The following R3HCC1L variants were observed in gnomAD, a reference collection of about 807,000 sequenced individuals.
R3HCC1L encodes the protein coiled-coil domain-containing protein R3HCC1L.
In R3HCC1L, 51 loss-of-function variants were observed where a neutral mutation model predicts 59.9. The ratio of observed to expected loss-of-function variants is 0.85; its 90% CI spans 0.68 to 1.07. The LOEUF is 1.07. R3HCC1L is among the 50% of genes least tolerant of loss of function. R3HCC1L has a pLI of 0.00. For synonymous variants in R3HCC1L, 322 were observed against 315.2 expected, an observed-to-expected ratio of 1.02 and a Z score of -0.23; for missense variants, 965 against 933.0, an observed-to-expected ratio of 1.03 and a Z score of -0.45.
At chr10:98,135,860 C>G (rs1180743661) in intron 1 of R3HCC1L, among the ~76,000 whole-genome samples, 2 of 152,106 alleles carry the variant, frequency 1.3e-5, no homozygotes, top group East Asian at 3.8e-4. Context: ...AATACCTGTC[C>G]CCAGCAGGTC....
At chr10:98,237,029 T>G (rs1025923583) in intron 9 of R3HCC1L, among the ~76,000 whole-genome samples, 2 of 152,202 alleles carry the variant, frequency 1.3e-5, no homozygotes, top group Non-Finnish European at 2.9e-5. Context: ...ACAAGGCCAT[T>G]AATACGTCCT....
At chr10:98,169,882 A>G (rs1228745543) in intron 4 of R3HCC1L, among the ~76,000 whole-genome samples, 2 of 144,956 alleles carry the variant, frequency 1.4e-5, no homozygotes. Flanking sequence ...ACCTAACACA[A>G]CCTTTTTTTT....
Position 98,209,707 on chromosome 10 carries a change from A to C in R3HCC1L, c.1593A>C (p.Glu531Asp). ...GAACTGCCGAAGAGTTCAAAACAGA[A>C]GAGCAAGATGACTCAGGGAGTATAG... Reference protein sequence around the residue: ...ELRTAEEFKTEEQDDSGSIEF... With the variant: ...ELRTAEEFKTDEQDDSGSIEF... The change falls in exon 5 of 10, where the codon GAA becomes GAC. Residue 531 changes from glutamate (E) to aspartate (D), a missense_variant. Coordinates refer to ENST00000298999, the MANE Select transcript of R3HCC1L (RefSeq NM_001351015.2). 5 of 1,614,058 alleles carry C rather than the reference A, an allele frequency of 3.1e-6. No homozygotes were observed. The highest frequency in any genetic ancestry group is 3.4e-6 in the Non-Finnish European group (4 of 1,179,922).
chr10:98,209,102 A>T lies in R3HCC1L; in HGVS notation c.988A>T (p.Ile330Phe), dbSNP rs368144580. 6.2e-7 allele frequency: 1 copy of T among 1,613,978 alleles called. No individual in the cohort carries two copies. Among genetic ancestry groups the T allele is most frequent in the Non-Finnish European group, 8.5e-7 (1 of 1,180,010 alleles). ...STNDTVSPVM[I>F]RECEKNDSTA... ...AAATGACACTGTTAGTCCAGTAATGATTAGAGAATGTGAGAAGAATGACAG... is the reference window on the plus strand; with the variant it reads ...AAATGACACTGTTAGTCCAGTAATGTTTAGAGAATGTGAGAAGAATGACAG... Residue 330 changes from isoleucine (I) to phenylalanine (F), a missense_variant, in exon 5 of 10, where the codon ATT (isoleucine) becomes TTT (phenylalanine). Ile to Phe is a conservative substitution (Grantham distance 21). Coordinates refer to ENST00000298999, the MANE Select transcript of R3HCC1L (RefSeq NM_001351015.2).
At position 98,209,658 on chromosome 10, in the gene R3HCC1L, C is replaced by A. The variant is rs199945129; in HGVS notation, c.1544C>A (p.Thr515Lys). The part of the protein sequence containing the change: ...VGIDLGSTGD[T>K]TEALHELRTA... The stretch of plus-strand genomic sequence containing the variant: ...ATTGACCTGGGTAGTACTGGTGATA[C>A]AACAGAAGCATTGCACGAACTAAGA... The change falls in exon 5 of 10, where the codon ACA (threonine) becomes AAA (lysine). Residue 515 changes from threonine (T) to lysine (K), a missense_variant. Physicochemically the swap from Thr to Lys is moderately conservative, Grantham distance 78. Transcript: ENST00000298999. 3 of 1,613,960 alleles carry A rather than the reference C, an allele frequency of 1.9e-6. No individual in the cohort carries two copies. The highest frequency in any genetic ancestry group is 1.3e-5 in the African/African-American group (1 of 75,014).
chr10:98,140,169 G>A (rs1845004046), intron 1 of R3HCC1L, among the ~76,000 whole-genome samples: 1 of 151,978 alleles, frequency 6.6e-6, no homozygotes, highest in Admixed American at 6.6e-5. Context: ...TCTTTGCCAT[G>A]GAATGCCAGA....
intron 5 of R3HCC1L, among the ~76,000 whole-genome samples, chr10:98,225,182 C>T (rs925545500): frequency 1.3e-5 from 2 of 152,148 alleles, no homozygotes; most frequent in Non-Finnish European, 2.9e-5. Context: ...CTGTATTGGA[C>T]AGTTCAGGCC....
intron 5 of R3HCC1L, among the ~76,000 whole-genome samples, chr10:98,218,929 C>T (rs1854544038): frequency 6.6e-6 from 1 of 151,164 alleles, no homozygotes. Flanking sequence ...GACTTTGTTT[C>T]TTTTTTTTTG....
At chr10:98,190,790 C>T (rs1014169585) in intron 4 of R3HCC1L, among the ~76,000 whole-genome samples, 17 of 152,080 alleles carry the variant, frequency 1.1e-4, no homozygotes, top group Non-Finnish European at 2.4e-4. Flanking sequence ...TCACCTAATG[C>T]TATCCCTCCC....
At chr10:98,198,944 A>G (rs1851750625) in intron 4 of R3HCC1L, among the ~76,000 whole-genome samples, 1 of 152,190 alleles carries the variant, frequency 6.6e-6, no homozygotes, top group Non-Finnish European at 1.5e-5. Flanking sequence ...TTTAAAAACT[A>G]CAAAAATAAA....
rs574216596 is a variant in R3HCC1L at position 98,212,208 on chromosome 10, T to G, written c.1785+2309T>G. Among the ~76,000 whole-genome samples, 3 of 152,310 alleles carry G rather than the reference T, an allele frequency of 2.0e-5. No homozygotes were observed. In the East Asian group the frequency reaches 5.8e-4, roughly 29 times the overall value. The stretch of plus-strand genomic sequence containing the variant: ...AAAGATGTCACAAATCCAGCAACAT[T>G]AATAGCCCTTTGATGACTTCTGGTT... On this transcript the variant is annotated intron_variant, in intron 5 of 9. Transcript: ENST00000298999.
chr10:98,227,329 A>C (rs1253129953), intron 5 of R3HCC1L, among the ~76,000 whole-genome samples: 1 of 152,192 alleles, frequency 6.6e-6, no homozygotes, highest in East Asian at 1.9e-4. Flanking sequence ...TATTGATATT[A>C]TCCAAATCAC....
At chr10:98,222,907 A>G (rs1855205845) in intron 5 of R3HCC1L, among the ~76,000 whole-genome samples, 1 of 152,206 alleles carries the variant, frequency 6.6e-6, no homozygotes, top group Non-Finnish European at 1.5e-5. Flanking sequence ...AATACTATAA[A>G]CACCTCTACG....
chr10:98,244,017 T>G, intron 9 of R3HCC1L, 74 bp from the exon 10 acceptor site: 1 of 1,371,308 alleles, frequency 7.3e-7, no homozygotes, highest in Non-Finnish European at 1.0e-6. Context: ...AAGTTTGCCT[T>G]GTAATTTGGA....
chr10:98,190,753 A>G (rs1850739824), intron 4 of R3HCC1L, among the ~76,000 whole-genome samples: 1 of 152,166 alleles, frequency 6.6e-6, no homozygotes, highest in Non-Finnish European at 1.5e-5. Flanking sequence ...TGCTTCACCC[A>G]TCAAATTATC....
At chr10:98,230,997 T>C (rs1263197084) in intron 5 of R3HCC1L, 3 of 413,868 alleles carry the variant, frequency 7.2e-6, no homozygotes, top group East Asian at 1.4e-4. Context: ...AACAAATGCC[T>C]TTGTAAGCTG....
intron 5 of R3HCC1L, among the ~76,000 whole-genome samples, chr10:98,221,848 A>C (rs1041560323): frequency 3.2e-4 from 48 of 152,218 alleles, no homozygotes; most frequent in African/African-American, 1.2e-3. Flanking sequence ...CTTAGGATTG[A>C]CTTGGCGATT....
chr10:98,199,615 T>C (rs943096437), intron 4 of R3HCC1L, among the ~76,000 whole-genome samples: 4 of 151,998 alleles, frequency 2.6e-5, no homozygotes, highest in African/African-American at 9.6e-5. Context: ...GCTTTTTTTT[T>C]CCTCATTAGG....
chr10:98,234,772 TA>T (rs947334569), intron 7 of R3HCC1L, among the ~76,000 whole-genome samples: 9 of 152,200 alleles, frequency 5.9e-5, no homozygotes, highest in African/African-American at 2.2e-4. Context: ...TGATAGTACG[TA>T]AACAGATTAA....
Sources: allele counts gnomAD v4.1 joint callset (sites outside exome capture counted in the v4.1 genomes callset), GRCh38; gene constraint gnomAD v4.1.1; transcripts MANE v1.5; gene names NCBI Gene and HGNC (gene_info 2026-07-23, HGNC 2026-07-21).